Variants in ERV3-1 observed in about 807,000 individuals in gnomAD.
The protein encoded by ERV3-1 is endogenous retrovirus group 3 member 1 Env polyprotein.
Under a neutral mutation model 24.6 loss-of-function variants are expected in ERV3-1, and 36 were observed. The ratio of observed to expected loss-of-function variants is 1.47; its 90% confidence interval spans 1.12 to 1.94. The LOEUF (loss-of-function observed/expected upper bound fraction) is 1.94. ERV3-1 is among the 30% of genes most tolerant of loss of function. The pLI is 0.00. For synonymous variants in ERV3-1, 211 were observed against 122.6 expected, an observed-to-expected ratio of 1.72 and a Z score of -4.76; for missense variants, 578 against 330.9, an observed-to-expected ratio of 1.75 and a Z score of -5.79.
intron 1 of ERV3-1, among the ~76,000 whole-genome samples, chr7:64,997,411 G>A (rs546190658): frequency 2.0e-5 from 3 of 152,246 alleles, no homozygotes; most frequent in Non-Finnish European, 2.9e-5. Flanking sequence ...AGTGTCAAAC[G>A]GGGTGTAAAG....
chr7:65,004,462 A>T (rs1162194827), intron 1 of ERV3-1: 1 of 152,230 alleles, frequency 6.6e-6, no homozygotes, highest in African/African-American at 2.4e-5. Flanking sequence ...TGTTTTTGAG[A>T]CAGAGTCTTC....
In ERV3-1 at chr7:65,006,644, G is replaced by A; in HGVS notation, c.-492C>T. On this transcript the variant is annotated 5_prime_UTR_variant, in exon 1 of 2. Coordinates refer to ENST00000394323, the MANE Select transcript of ERV3-1 (RefSeq NM_001007253.4). ...TGGGCCTCTAGGAGCAGAAGACACA[G>A]AGCAGTGAAGACTACACCAGAAGCT... is the stretch of plus-strand genomic sequence containing the variant. 2 of 1,529,676 alleles carry A rather than the reference G, an allele frequency of 1.3e-6. No individual in the cohort carries two copies. The highest frequency in any genetic ancestry group is 9.0e-7 in the Non-Finnish European group (1 of 1,105,728). The allele number at this position is 1,529,676 out of a possible 1,614,324, so 94.8% of individuals were successfully genotyped here. A position where few individuals can be genotyped will look rare whatever the true frequency, so the allele number is the denominator to read the frequency against.
At chr7:64,995,266 T>C (rs993402213) in intron 1 of ERV3-1, among the ~76,000 whole-genome samples, 11 of 152,176 alleles carry the variant, frequency 7.2e-5, no homozygotes, top group African/African-American at 2.7e-4. Flanking sequence ...GGCTAGTGCT[T>C]TACAGCAAGG....
At chr7:64,995,953 C>T (rs180965622) in intron 1 of ERV3-1, among the ~76,000 whole-genome samples, 60 of 152,306 alleles carry the variant, frequency 3.9e-4, no homozygotes, top group East Asian at 7.7e-4. Flanking sequence ...CTAGTCCAGG[C>T]GAGCTGTCCC....
rs962605838 is a variant in ERV3-1 at position 64,992,545 on chromosome 7, G to C, written c.482C>G (p.Pro161Arg). Residue 161 changes from proline (P) to arginine (R), a missense_variant, in exon 2 of 2, where the codon CCA (proline) becomes CGA (arginine). By Grantham distance (103) the Pro-to-Arg change is moderately radical. Transcript: ENST00000394323. Reference protein sequence around the residue: ...YAHPACSTDSPVTTCWDCTTW... With the variant: ...YAHPACSTDSRVTTCWDCTTW... The stretch of plus-strand genomic sequence containing the variant: ...TGTGCAGTCCCAGCAAGTTGTTACT[G>C]GGGAATCGGTGGAACAAGCAGGGTG... The C allele has an allele frequency of 1.3e-6, 1 of 766,412 alleles. No homozygotes were observed. Among genetic ancestry groups the C allele is most frequent in the Non-Finnish European group, 2.4e-6 (1 of 417,916 alleles). The allele number at this position is 766,412 out of a possible 1,614,324, so 47.5% of individuals were successfully genotyped here. A position where few individuals can be genotyped will look rare whatever the true frequency, so the allele number is the denominator to read the frequency against.
chr7:65,003,562 C>A (rs2129124643), intron 1 of ERV3-1: 1 of 152,292 alleles, frequency 6.6e-6, no homozygotes, highest in Admixed American at 6.5e-5. Context: ...TGGGCACAAG[C>A]TTTAATTTCC....
chr7:65,000,675 C>A (rs1235274818), intron 1 of ERV3-1, among the ~76,000 whole-genome samples: 1 of 152,132 alleles, frequency 6.6e-6, no homozygotes, highest in Admixed American at 6.6e-5. Flanking sequence ...GTCCCAGCAA[C>A]TTGGGGGGCT....
At chr7:65,001,052 A>G (rs1033220128) in intron 1 of ERV3-1, among the ~76,000 whole-genome samples, 2 of 152,194 alleles carry the variant, frequency 1.3e-5, no homozygotes, top group East Asian at 1.9e-4. Context: ...GGAGGGTGAA[A>G]GGACAAAAAG....
intron 1 of ERV3-1, among the ~76,000 whole-genome samples, chr7:64,995,332 G>A (rs1241302714): frequency 1.3e-5 from 2 of 152,224 alleles, no homozygotes; most frequent in Non-Finnish European, 2.9e-5. Context: ...ACTGGGCGAT[G>A]CCATGATCCT....
Position 64,996,524 on chromosome 7 carries a change from G to T in ERV3-1, c.-388-3110C>A, listed in dbSNP as rs79648246. 7.3e-3 allele frequency among the ~76,000 whole-genome samples: 1,107 copies of T among 152,286 alleles called. 12 individuals carry two copies. The highest frequency in any genetic ancestry group is 0.024 in the African/African-American group (979 of 41,542). The stretch of plus-strand genomic sequence containing the variant: ...GTATAGTCTCCATTCCTCAGCCTGC[G>T]GGATGGTGAGGGTTAACACCATGGC... On this transcript the variant is annotated intron_variant, in intron 1 of 1. Transcript: ENST00000394323.
chr7:64,995,101 T>G (rs1786378876), intron 1 of ERV3-1, among the ~76,000 whole-genome samples: 1 of 152,378 alleles, frequency 6.6e-6, no homozygotes, highest in Non-Finnish European at 1.5e-5. Flanking sequence ...GCGTGGATTT[T>G]CACATAGGAG....
At chr7:64,997,610 C>A (rs969306725) in intron 1 of ERV3-1, among the ~76,000 whole-genome samples, 1 of 152,160 alleles carries the variant, frequency 6.6e-6, no homozygotes, top group South Asian at 2.1e-4. Flanking sequence ...TGTAGGCTGG[C>A]TTCTGGGAAT....
At chr7:64,998,458 A>G (rs2129123709) in intron 1 of ERV3-1, among the ~76,000 whole-genome samples, 1 of 152,306 alleles carries the variant, frequency 6.6e-6, no homozygotes, top group East Asian at 1.9e-4. Flanking sequence ...GCCATCCAAC[A>G]TTGAAAGAGG....
chr7:65,004,937 G>A (rs1263511210), intron 1 of ERV3-1: 1 of 148,046 alleles, frequency 6.8e-6, no homozygotes, highest in Admixed American at 6.9e-5. Context: ...GGAGAATCCA[G>A]GTGGCAGTAA....
At position 64,990,950 on chromosome 7, in the gene ERV3-1, A is replaced by C. The variant is rs1460963154; in HGVS notation, c.*262T>G. 6.3e-6 allele frequency: 2 copies of C among 316,250 alleles called. No homozygotes were observed. Among genetic ancestry groups the C allele is most frequent in the Non-Finnish European group, 1.2e-5 (2 of 173,280 alleles). The allele number at this position is 316,250 out of a possible 1,614,324, so 19.6% of individuals were successfully genotyped here. A position where few individuals can be genotyped will look rare whatever the true frequency, so the allele number is the denominator to read the frequency against. ...TTGATGCTTTTTATAAGTAAAGTTTAAGAGAAAGCATCACTATCTTCATTT... is the reference window on the plus strand; with the variant it reads ...TTGATGCTTTTTATAAGTAAAGTTTCAGAGAAAGCATCACTATCTTCATTT... On this transcript the variant is annotated 3_prime_UTR_variant, in exon 2 of 2. Transcript: ENST00000394323.
At chr7:64,994,598 G>A (rs1329209139) in intron 1 of ERV3-1, among the ~76,000 whole-genome samples, 1 of 152,192 alleles carries the variant, frequency 6.6e-6, no homozygotes, top group African/African-American at 2.4e-5. Flanking sequence ...GTCCCCTGCA[G>A]TGCATAGCTG....
At chr7:65,001,845 GACC>G (rs1786530670) in intron 1 of ERV3-1, among the ~76,000 whole-genome samples, 1 of 152,146 alleles carries the variant, frequency 6.6e-6, no homozygotes. Flanking sequence ...AGTCAGCACA[GACC>G]CTGATCCAGG....
intron 1 of ERV3-1, among the ~76,000 whole-genome samples, chr7:64,993,709 A>C (rs1786338907): frequency 6.6e-6 from 1 of 152,148 alleles, no homozygotes; most frequent in Admixed American, 6.5e-5. Flanking sequence ...TAGGGCGAAT[A>C]CCCAGTTTGT....
chr7:64,999,719 CA>C (rs1786479398), intron 1 of ERV3-1, among the ~76,000 whole-genome samples: 1 of 152,142 alleles, frequency 6.6e-6, no homozygotes, highest in African/African-American at 2.4e-5. Context: ...GAGAGCAGAA[CA>C]AAGAATAATG....
Sources: allele counts gnomAD v4.1 joint callset (sites outside exome capture counted in the v4.1 genomes callset), GRCh38; gene constraint gnomAD v4.1.1; transcripts MANE v1.5; gene names NCBI Gene and HGNC (gene_info 2026-07-23, HGNC 2026-07-21).